NOC2L: variants seen among roughly 807,000 people sequenced by gnomAD.
The protein encoded by NOC2L is NOC2 like nucleolar associated transcriptional repressor, also known as nucleolar complex protein 2 homolog.
Under a neutral mutation model 94.2 loss-of-function variants are expected in NOC2L, and 101 were observed. The ratio of observed to expected loss-of-function variants is 1.07; its 90% CI spans 0.91 to 1.26. NOC2L has a LOEUF of 1.26. NOC2L is among the 50% of genes most tolerant of loss of function. NOC2L has a pLI of 0.00. For missense variants in NOC2L, 1,076 were observed against 980.1 expected, an observed-to-expected ratio of 1.10 and a Z score of -1.31; for synonymous variants, 531 against 413.4, an observed-to-expected ratio of 1.28 and a Z score of -3.45.
intron 15 of NOC2L, 24 bp from the exon 16 acceptor site, chr1:946,310 GTCATGCC>G (rs1557615559): frequency 1.2e-6 from 2 of 1,611,934 alleles, no homozygotes; most frequent in Non-Finnish European, 1.7e-6. Context: ...GGAGTTCAGG[GTCATGCC>G]TCACCCTGGG....
At chr1:947,661 C>G (rs57171501) in intron 14 of NOC2L, among the ~76,000 whole-genome samples, 4,354 of 152,316 alleles carry the variant, frequency 0.029, 197 homozygotes, top group African/African-American at 0.094. Context: ...TAAGATGAGG[C>G]TGACGTGGGG....
chr1:946,541 T>C lies in NOC2L; in HGVS notation c.1664A>G (p.Lys555Arg). The C allele has an allele frequency of 3.1e-6, 5 of 1,611,408 alleles. No individual in the cohort carries two copies. Among genetic ancestry groups the C allele is most frequent in the Non-Finnish European group, 2.5e-6 (3 of 1,178,562 alleles). ...ELVLPVVLQL[K>R]SFLRECKVAN... ...CACCTTGCACTCCCGGAGGAACGAC[T>C]TCAGCTGCGGAAGGGAGGGGTCAGC... is the stretch of plus-strand genomic sequence containing the variant. Residue 555 changes from lysine to arginine, a missense_variant, in exon 15 of 19, where the codon AAG becomes AGG. This residue lies in a region of NOC2L where 615 missense variants were observed against 577.4 expected (regional missense o/e 1.07). Transcript: ENST00000327044.
chr1:953,926 C>G (rs1476819006), intron 7 of NOC2L, 34 bp from the exon 8 acceptor site: 1 of 1,608,580 alleles, frequency 6.2e-7, no homozygotes, highest in Non-Finnish European at 8.5e-7. Flanking sequence ...AGCCCCAAAC[C>G]CATGTATTCT....
Position 944,448 on chromosome 1 carries a change from T to G in NOC2L, c.*246A>C, listed in dbSNP as rs1158731527. 1.1e-6 allele frequency: 1 copy of G among 899,322 alleles called. No homozygotes were observed. Among genetic ancestry groups the G allele is most frequent in the Non-Finnish European group, 1.6e-6 (1 of 639,632 alleles). The allele number at this position is 899,322 out of a possible 1,614,324, so 55.7% of individuals were successfully genotyped here. A position where few individuals can be genotyped will look rare whatever the true frequency, so the allele number is the denominator to read the frequency against. ...TGGTCTCGGTCTGCTGACGTCAGGGTCAGCTCCCCCGCGGAGCTGACTTCA... is the reference window on the plus strand; with the variant it reads ...TGGTCTCGGTCTGCTGACGTCAGGGGCAGCTCCCCCGCGGAGCTGACTTCA... On this transcript the variant is annotated 3_prime_UTR_variant, in exon 19 of 19. Transcript: ENST00000327044.
At chr1:951,379 TG>T (rs1362870874) in intron 11 of NOC2L, 141 bp from the exon 12 acceptor site, 2 of 660,462 alleles carry the variant, frequency 3.0e-6, no homozygotes, top group Non-Finnish European at 5.4e-6. Context: ...CCCAGGGACC[TG>T]CACCCCTTGC....
chr1:954,088 G>A lies in NOC2L; in HGVS notation c.699-6C>T. On this transcript the variant is annotated splice_polypyrimidine_tract_variant and splice_region_variant and intron_variant, in intron 6 of 18. Transcript: ENST00000327044. ...TGCTGGACGGCTGCAGCATCCTGCAGAGAGACCACCCACCCCTGGCTGGGA... is the reference window on the plus strand; with the variant it reads ...TGCTGGACGGCTGCAGCATCCTGCAAAGAGACCACCCACCCCTGGCTGGGA... The A allele has an allele frequency of 1.2e-6, 2 of 1,611,554 alleles. No individual in the cohort carries two copies. The highest frequency in any genetic ancestry group is 1.1e-5 in the South Asian group (1 of 90,910).
intron 6 of NOC2L, 50 bp from the exon 7 acceptor site, chr1:954,132 C>A (rs372833087): frequency 6.4e-7 from 1 of 1,568,534 alleles, no homozygotes; most frequent in Non-Finnish European, 8.7e-7. Context: ...GGCTCGGACG[C>A]GAGGCTGCTC....
At chr1:956,843 G>C (rs375890267) in intron 4 of NOC2L, 51 bp downstream of exon 4, 3 of 1,603,342 alleles carry the variant, frequency 1.9e-6, no homozygotes, top group East Asian at 4.5e-5. Context: ...GGTGAGGCAA[G>C]GCCAGATTTC....
chr1:944,946 C>T (rs1557614154), intron 18 of NOC2L, 111 bp downstream of exon 18: 3 of 1,553,494 alleles, frequency 1.9e-6, no homozygotes, highest in African/African-American at 2.7e-5. Flanking sequence ...GCCTGGCCTT[C>T]CCAGGGAGGG....
At chr1:946,702 G>C (rs1028058584) in intron 14 of NOC2L, 157 bp from the exon 15 acceptor site, 34 of 839,146 alleles carry the variant, frequency 4.1e-5, no homozygotes, top group African/African-American at 6.8e-5. Context: ...GTTGCAGCTG[G>C]GATGGCAGAG....
intron 12 of NOC2L, among the ~76,000 whole-genome samples, chr1:950,870 T>C (rs1446602400): frequency 1.3e-5 from 2 of 152,098 alleles, no homozygotes; most frequent in Non-Finnish European, 2.9e-5. Flanking sequence ...ACTCCAGTCT[T>C]GGGCAAGCAC....
chr1:948,064 T>G, intron 14 of NOC2L, 67 bp downstream of exon 14: 2 of 1,319,118 alleles, frequency 1.5e-6, no homozygotes, highest in Non-Finnish European at 2.1e-6. Context: ...CCTACCAGCC[T>G]GGGGCAGCCA....
chr1:952,305 G>A lies in NOC2L; in HGVS notation c.1191+107C>T, dbSNP rs547297824. 12 of 1,458,520 alleles carry A rather than the reference G, an allele frequency of 8.2e-6. No homozygotes were observed. The South Asian group carries it at 1.5e-4, about 18-fold the overall frequency. 90.3% of individuals were successfully genotyped at this position (1,458,520 alleles called of 1,614,324 possible). Reference sequence around the variant, plus strand: ...ACCGACTGCACCAGGGTGCTGGGCTGTCTCCAGACAGGGGCTTCGGGGAGG... The same window carrying A: ...ACCGACTGCACCAGGGTGCTGGGCTATCTCCAGACAGGGGCTTCGGGGAGG... On this transcript the variant is annotated intron_variant, in intron 10 of 18. Transcript: ENST00000327044.
chr1:957,508 C>T, intron 2 of NOC2L: 1 of 548,138 alleles, frequency 1.8e-6, no homozygotes, highest in East Asian at 3.1e-5. Flanking sequence ...TGTGCCTGCG[C>T]CCTGCGCTAC....
intron 9 of NOC2L, among the ~76,000 whole-genome samples, chr1:952,916 T>C (rs2100390073): frequency 6.6e-6 from 1 of 152,230 alleles, no homozygotes; most frequent in South Asian, 2.1e-4. Flanking sequence ...AGTGTCCTCC[T>C]CCAGCCAGAG....
rs777307322 is a variant in NOC2L, at chr1:946,468, C to T, written c.1737G>A (p.Glu579=). ...GGCGGCTGCAGATGTATGCCGAGTT[C>T]TCCTGAACCTTCCCAAGCAGCTGCT... is the stretch of plus-strand genomic sequence containing the variant. ...QVQQLLGKVQ[E]NSAYICSRRQ... is the part of the protein sequence containing the mutation. The change falls in exon 15 of 19, where the codon GAG becomes GAA. Residue 579 remains glutamate (E), a synonymous_variant. Coordinates refer to ENST00000327044, the MANE Select transcript of NOC2L (RefSeq NM_015658.4). The T allele has an allele frequency of 4.3e-6, 7 of 1,613,348 alleles. No homozygotes were observed. The highest frequency in any genetic ancestry group is 4.2e-6 in the Non-Finnish European group (5 of 1,180,012).
rs771121604 is a variant in NOC2L at position 954,149 on chromosome 1, T to C, written c.699-67A>G. On this transcript the variant is annotated intron_variant, in intron 6 of 18. Transcript: ENST00000327044. Reference sequence around the variant, plus strand: ...CTCGGACGCGAGGCTGCTCAGCATGTTGGCGCGTGCCCTGGCCAGCATAGC... The same window carrying C: ...CTCGGACGCGAGGCTGCTCAGCATGCTGGCGCGTGCCCTGGCCAGCATAGC... The C allele has an allele frequency of 1.6e-5, 24 of 1,495,318 alleles. No individual in the cohort carries two copies. In the African/African-American group the frequency reaches 1.9e-4, roughly 12 times the overall value. The allele number at this position is 1,495,318 out of a possible 1,614,324, so 92.6% of individuals were successfully genotyped here. A position where few individuals can be genotyped will look rare whatever the true frequency, so the allele number is the denominator to read the frequency against.
Position 944,425 on chromosome 1 carries a change from G to A in NOC2L, c.*269C>T. On this transcript the variant is annotated 3_prime_UTR_variant, in exon 19 of 19. Transcript: ENST00000327044. Reference sequence around the variant, plus strand: ...AGGCCTCCCCCTGGAACTGGGACTGGTCTCGGTCTGCTGACGTCAGGGTCA... The same window carrying A: ...AGGCCTCCCCCTGGAACTGGGACTGATCTCGGTCTGCTGACGTCAGGGTCA... The A allele has an allele frequency of 9.2e-7, 1 of 1,083,576 alleles. No homozygotes were observed. The highest frequency in any genetic ancestry group is 3.0e-5 in the East Asian group (1 of 33,178). The allele number at this position is 1,083,576 out of a possible 1,614,324, so 67.1% of individuals were successfully genotyped here.
In NOC2L at chr1:946,391, G is replaced by A; in HGVS notation, c.1803+11C>T. 1 of 1,613,528 alleles carries A rather than the reference G, an allele frequency of 6.2e-7. No individual in the cohort carries two copies. Among genetic ancestry groups the A allele is most frequent in the Non-Finnish European group, 8.5e-7 (1 of 1,179,990 alleles). The stretch of plus-strand genomic sequence containing the variant: ...TGCCCTCAGGTGGCACTACCCCCAG[G>A]GCCCACTAACCACTGCCTGCTGCTC... On this transcript the variant is annotated intron_variant, in intron 15 of 18. Coordinates refer to ENST00000327044, the MANE Select transcript of NOC2L (RefSeq NM_015658.4).
Sources: allele counts gnomAD v4.1 joint callset (sites outside exome capture counted in the v4.1 genomes callset), GRCh38; gene constraint gnomAD v4.1.1; regional missense constraint gnomAD v4.1.1; transcripts MANE v1.5; gene names NCBI Gene and HGNC (gene_info 2026-07-23, HGNC 2026-07-21).